Variants in NRXN3 observed in about 807,000 individuals in gnomAD.
NRXN3 encodes the protein neurexin III.
A neutral mutation model predicts 137.6 loss-of-function variants in NRXN3; 32 were observed. The observed-to-expected ratio is 0.23, with a 90% confidence interval of 0.18 to 0.31. The LOEUF is 0.31. Among genes scored for constraint, NRXN3 ranks in the 10% least tolerant of loss-of-function variants. The pLI is 1.00. For synonymous variants in NRXN3, 798 were observed against 784.5 expected (o/e 1.02, Z -0.29); for missense variants, 1,574 against 2,062.5 (o/e 0.76, Z 4.59).
At chr14:79,556,552 G>A (rs2097431520) in intron 16 of NRXN3, among the ~76,000 whole-genome samples, 1 of 152,054 alleles carries the variant, frequency 6.6e-6, no homozygotes, top group Non-Finnish European at 1.5e-5. Context: ...TTGTTTGCCT[G>A]TTTGTTCTAT....
intron 16 of NRXN3, among the ~76,000 whole-genome samples, chr14:79,627,794 T>C (rs2098298431): frequency 6.6e-6 from 1 of 152,156 alleles, no homozygotes; most frequent in African/African-American, 2.4e-5. Context: ...TGTTTAAGGC[T>C]TCTGGCGTGG....
intron 15 of NRXN3, among the ~76,000 whole-genome samples, chr14:78,993,636 A>G (rs2099523419): frequency 6.6e-6 from 1 of 152,108 alleles, no homozygotes; most frequent in Non-Finnish European, 1.5e-5. Flanking sequence ...TTGCAGATAT[A>G]ATCATGAATA....
At chr14:79,759,137 T>C (rs549381155) in intron 19 of NRXN3, among the ~76,000 whole-genome samples, 3 of 152,286 alleles carry the variant, frequency 2.0e-5, no homozygotes, top group African/African-American at 7.2e-5. Flanking sequence ...CAAAACCATC[T>C]AGTAGTTTCA....
At chr14:78,195,630 G>C (rs952448818) in intron 1 of NRXN3, among the ~76,000 whole-genome samples, 1 of 152,192 alleles carries the variant, frequency 6.6e-6, no homozygotes, top group African/African-American at 2.4e-5. Context: ...CGAGAGCAAC[G>C]GAAGAGCTGA....
At position 79,171,490 on chromosome 14, in the gene NRXN3, A is replaced by C. The variant is rs892548972; in HGVS notation, c.3262+183349A>C. Among the ~76,000 whole-genome samples, 7 of 152,180 alleles carry C rather than the reference A, an allele frequency of 4.6e-5. 1 individual carries two copies. In the South Asian group the frequency reaches 1.2e-3, roughly 27 times the overall value. On this transcript the variant is annotated intron_variant, in intron 15 of 20. Transcript: ENST00000335750. ...ACAAAGCCAAATCATTGAAAGATAC[A>C]GTCCCTCCATGAACAACAATCAATT...
intron 6 of NRXN3, among the ~76,000 whole-genome samples, chr14:78,684,353 A>G (rs2098106648): frequency 6.6e-6 from 1 of 152,200 alleles, no homozygotes; most frequent in Non-Finnish European, 1.5e-5. Context: ...TTTGGCCTGG[A>G]TAAGGCTTTT....
intron 4 of NRXN3, among the ~76,000 whole-genome samples, chr14:78,522,996 T>C (rs532786307): frequency 1.7e-4 from 26 of 152,376 alleles, no homozygotes; most frequent in African/African-American, 6.3e-4. Context: ...ATCTTGGGTC[T>C]ATGTTATTTG....
At chr14:79,440,168 T>A (rs952516020) in intron 15 of NRXN3, among the ~76,000 whole-genome samples, 1 of 152,244 alleles carries the variant, frequency 6.6e-6, no homozygotes. Context: ...ATAGCCTGGA[T>A]GGCAAGATCA....
At chr14:79,492,890 A>G (rs1213574486) in intron 16 of NRXN3, among the ~76,000 whole-genome samples, 1 of 152,232 alleles carries the variant, frequency 6.6e-6, no homozygotes, top group Admixed American at 6.5e-5. Flanking sequence ...TCCTTCCAGA[A>G]AGCATGTTTT....
intron 14 of NRXN3, among the ~76,000 whole-genome samples, chr14:78,980,482 C>A (rs2099486664): frequency 6.6e-6 from 1 of 152,158 alleles, no homozygotes; most frequent in Non-Finnish European, 1.5e-5. Context: ...GGAAGAAAGT[C>A]TATTTCAAGG....
intron 4 of NRXN3, among the ~76,000 whole-genome samples, chr14:78,360,621 A>G (rs2084972828): frequency 6.6e-6 from 1 of 152,204 alleles, no homozygotes; most frequent in Non-Finnish European, 1.5e-5. Context: ...AGGTTATGCT[A>G]GATTTGGGTA....
At chr14:78,270,218 CTG>C (rs1399177736) in intron 2 of NRXN3, among the ~76,000 whole-genome samples, 2 of 152,168 alleles carry the variant, frequency 1.3e-5, no homozygotes, top group African/African-American at 4.8e-5. Context: ...TTGGAGATGT[CTG>C]TGTCTAGAGT....
chr14:79,397,789 T>C (rs896910607), intron 15 of NRXN3, among the ~76,000 whole-genome samples: 5 of 152,194 alleles, frequency 3.3e-5, no homozygotes, highest in African/African-American at 1.2e-4. Flanking sequence ...ACCTGGACTT[T>C]CATGTCTTTT....
At chr14:78,681,151 TG>T (rs1223882084) in intron 6 of NRXN3, among the ~76,000 whole-genome samples, 1 of 152,200 alleles carries the variant, frequency 6.6e-6, no homozygotes, top group African/African-American at 2.4e-5. Context: ...CTTATGTGCT[TG>T]GGGCTTATGT....
At chr14:79,496,231 TCTCTCTCA>T (rs2096765364) in intron 16 of NRXN3, among the ~76,000 whole-genome samples, 1 of 144,426 alleles carries the variant, frequency 6.9e-6, no homozygotes, top group Non-Finnish European at 1.5e-5. Context: ...TCTCTCTCTC[TCTCTCTCA>T]CACACACACA....
chr14:78,405,613 C>CGGT (rs5809886), intron 4 of NRXN3, among the ~76,000 whole-genome samples: 1,338 of 128,872 alleles, frequency 0.01, 20 homozygotes, highest in Non-Finnish European at 0.014. Flanking sequence ...GGGGAAGGGG[C>CGGT]GGGGGGGTTC....
At chr14:78,952,655 A>T (rs1173099892) in intron 10 of NRXN3, among the ~76,000 whole-genome samples, 1 of 152,224 alleles carries the variant, frequency 6.6e-6, no homozygotes, top group African/African-American at 2.4e-5. Context: ...CATATCATTT[A>T]GATGTATAAT....
chr14:78,726,078 C>A (rs1176668601), intron 8 of NRXN3, among the ~76,000 whole-genome samples: 1 of 152,168 alleles, frequency 6.6e-6, no homozygotes, highest in African/African-American at 2.4e-5. Flanking sequence ...AACAAGGATT[C>A]TCACCTCTTC....
intron 17 of NRXN3, among the ~76,000 whole-genome samples, chr14:79,680,322 T>A (rs1193487340): frequency 6.6e-6 from 1 of 152,018 alleles, no homozygotes; most frequent in Non-Finnish European, 1.5e-5. Flanking sequence ...GAGGTGAAGG[T>A]TGCAGGGAGC....
Sources: allele counts gnomAD v4.1 joint callset (sites outside exome capture counted in the v4.1 genomes callset), GRCh38; gene constraint gnomAD v4.1.1; transcripts MANE v1.5; gene names NCBI Gene and HGNC (gene_info 2026-07-23, HGNC 2026-07-21).